The following SYNDIG1 variants were observed in gnomAD, a reference collection of about 807,000 sequenced individuals.
SYNDIG1 encodes the protein synapse differentiation inducing 1.
Under a neutral mutation model 19.4 loss-of-function variants are expected in SYNDIG1, and 9 were observed. That is an observed-to-expected ratio of 0.46 (90% confidence interval 0.28 to 0.81). The LOEUF is 0.81. SYNDIG1 is among the 30% of genes least tolerant of loss of function. The pLI, the probability that SYNDIG1 is intolerant of heterozygous loss-of-function variation, is 0.12. For synonymous variants in SYNDIG1, 141 were observed against 145.9 expected (o/e 0.97, Z 0.24); for missense variants, 311 against 343.3 (o/e 0.91, Z 0.74).
At chr20:24,630,816 A>G (rs999414435) in intron 3 of SYNDIG1, among the ~76,000 whole-genome samples, 8 of 152,228 alleles carry the variant, frequency 5.3e-5, no homozygotes, top group Admixed American at 2.6e-4. Context: ...TGAGTTATAG[A>G]ATGTCCCATC....
chr20:24,581,834 C>A (rs1270245396), intron 2 of SYNDIG1, among the ~76,000 whole-genome samples: 1 of 150,222 alleles, frequency 6.7e-6, no homozygotes, highest in African/African-American at 2.5e-5. Flanking sequence ...TGCACGTCCT[C>A]ACCCCTGCAC....
intron 3 of SYNDIG1, among the ~76,000 whole-genome samples, chr20:24,608,226 C>G (rs908586917): frequency 1.3e-5 from 2 of 150,834 alleles, no homozygotes; most frequent in Non-Finnish European, 2.9e-5. Flanking sequence ...CGCTCTGTCA[C>G]CCAGTCTGGA....
chr20:24,616,658 C>T (rs529311474), intron 3 of SYNDIG1, among the ~76,000 whole-genome samples: 8 of 152,216 alleles, frequency 5.3e-5, no homozygotes, highest in Non-Finnish European at 8.8e-5. Context: ...CAGAAAGGAG[C>T]AGGTGCAGGG....
At chr20:24,495,134 A>G (rs1487519684) in intron 1 of SYNDIG1, among the ~76,000 whole-genome samples, 1 of 152,244 alleles carries the variant, frequency 6.6e-6, no homozygotes, top group Non-Finnish European at 1.5e-5. Context: ...TACAATGGCC[A>G]TGTTCCTCTA....
intron 3 of SYNDIG1, among the ~76,000 whole-genome samples, chr20:24,601,447 A>G (rs1235418093): frequency 6.6e-6 from 1 of 152,176 alleles, no homozygotes; most frequent in Non-Finnish European, 1.5e-5. Flanking sequence ...CATCATAGGA[A>G]GATTTTAAAT....
intron 2 of SYNDIG1, among the ~76,000 whole-genome samples, chr20:24,565,691 G>A (rs867224066): frequency 1.3e-5 from 2 of 152,086 alleles, no homozygotes; most frequent in Admixed American, 6.5e-5. Context: ...CAGATCACCC[G>A]ACAGCTCAAT....
chr20:24,535,297 T>C (rs2057339248), intron 1 of SYNDIG1, among the ~76,000 whole-genome samples: 1 of 152,240 alleles, frequency 6.6e-6, no homozygotes, highest in Non-Finnish European at 1.5e-5. Context: ...GGGAAATTGC[T>C]TGATGAAGAT....
intron 2 of SYNDIG1, among the ~76,000 whole-genome samples, chr20:24,550,754 C>T (rs955810594): frequency 1.3e-5 from 2 of 152,156 alleles, no homozygotes; most frequent in African/African-American, 2.4e-5. Context: ...TCGTGATCTG[C>T]CCGCCTCGGC....
At chr20:24,563,057 C>T (rs1207112752) in intron 2 of SYNDIG1, among the ~76,000 whole-genome samples, 1 of 152,080 alleles carries the variant, frequency 6.6e-6, no homozygotes, top group African/African-American at 2.4e-5. Flanking sequence ...TAAAGTTGTC[C>T]CAAACTTGAC....
At chr20:24,548,940 A>T (rs745444737) in intron 2 of SYNDIG1, among the ~76,000 whole-genome samples, 17 of 152,132 alleles carry the variant, frequency 1.1e-4, no homozygotes, top group Non-Finnish European at 2.1e-4. Context: ...ATTTTTTAAT[A>T]GACAAATAAA....
chr20:24,614,871 C>G (rs1221846573), intron 3 of SYNDIG1, among the ~76,000 whole-genome samples: 1 of 152,170 alleles, frequency 6.6e-6, no homozygotes, highest in Non-Finnish European at 1.5e-5. Flanking sequence ...ATGAAATGAA[C>G]AGAACTTAAC....
At chr20:24,572,153 T>G (rs1324198692) in intron 2 of SYNDIG1, among the ~76,000 whole-genome samples, 2 of 152,236 alleles carry the variant, frequency 1.3e-5, no homozygotes, top group Non-Finnish European at 2.9e-5. Flanking sequence ...AATTAAAGCC[T>G]TCTTCCTTGG....
At chr20:24,492,280 A>G (rs768985315) in intron 1 of SYNDIG1, among the ~76,000 whole-genome samples, 8 of 152,292 alleles carry the variant, frequency 5.3e-5, no homozygotes, top group Non-Finnish European at 8.8e-5. Flanking sequence ...TGAACACAGA[A>G]AGCAGCCCTT....
chr20:24,614,406 G>C (rs1437695538), intron 3 of SYNDIG1, among the ~76,000 whole-genome samples: 1 of 152,184 alleles, frequency 6.6e-6, no homozygotes, highest in Non-Finnish European at 1.5e-5. Flanking sequence ...TTGTTTGTTT[G>C]ACTGGTTGTT....
In SYNDIG1 at chr20:24,630,756, A is replaced by G. The variant is rs115391688; in HGVS notation, c.619-34590A>G. ...ACTGTCGCCTGGCTGCCCTTGGGCC[A>G]CCCCTGCTGGGAACCCTGCCTCTCT... On this transcript the variant is annotated intron_variant, in intron 3 of 3. Coordinates refer to ENST00000376862, the MANE Select transcript of SYNDIG1 (RefSeq NM_024893.3). Among the ~76,000 whole-genome samples, 553 of 152,232 alleles carry G rather than the reference A, an allele frequency of 3.6e-3. 2 individuals are homozygous for G. Among genetic ancestry groups the G allele is most frequent in the African/African-American group, 0.013 (535 of 41,528 alleles).
chr20:24,484,517 T>C (rs942142785), intron 1 of SYNDIG1, among the ~76,000 whole-genome samples: 5 of 152,120 alleles, frequency 3.3e-5, no homozygotes, highest in African/African-American at 1.2e-4. Flanking sequence ...ACTCCTTCTG[T>C]TCAGGGTGAG....
chr20:24,547,361 G>A (rs1312647189), intron 2 of SYNDIG1, among the ~76,000 whole-genome samples: 2 of 152,256 alleles, frequency 1.3e-5, no homozygotes, highest in South Asian at 2.1e-4. Context: ...CTTCGAGGTT[G>A]TGGTAGTAAC....
intron 3 of SYNDIG1, among the ~76,000 whole-genome samples, chr20:24,618,561 C>T (rs1212410927): frequency 6.6e-6 from 1 of 152,118 alleles, no homozygotes; most frequent in South Asian, 2.1e-4. Context: ...CTCTATACTC[C>T]GAGGAAAAAA....
intron 1 of SYNDIG1, among the ~76,000 whole-genome samples, chr20:24,504,562 G>T (rs1360874795): frequency 1.3e-5 from 2 of 152,174 alleles, no homozygotes; most frequent in African/African-American, 2.4e-5. Flanking sequence ...CTGCCTGGGG[G>T]CTGGGACCTG....
Sources: allele counts gnomAD v4.1 joint callset (sites outside exome capture counted in the v4.1 genomes callset), GRCh38; gene constraint gnomAD v4.1.1; transcripts MANE v1.5; gene names NCBI Gene and HGNC (gene_info 2026-07-23, HGNC 2026-07-21).